Variants in NINL observed in about 807,000 individuals in gnomAD.
The protein encoded by NINL is ninein like.
A neutral mutation model predicts 160.3 loss-of-function variants in NINL; 153 were observed. The ratio of observed to expected loss-of-function variants is 0.95; its 90% confidence interval spans 0.84 to 1.09. NINL has a LOEUF of 1.09. Ranked by LOEUF, NINL falls within the 50% of genes least tolerant of loss-of-function variation. The pLI is 0.00. For synonymous variants in NINL, 800 were observed against 734.8 expected (o/e 1.09, Z -1.43); for missense variants, 1,829 against 1,764.0 (o/e 1.04, Z -0.66).
Position 25,500,823 on chromosome 20 carries a change from A to T in NINL, c.1032+17T>A. ...CCCAGGTCCCCTGTCCAGCTTAGGC[A>T]TCACCCAGTTCCAAACCTGCAAGAT... On this transcript the variant is annotated intron_variant, in intron 8 of 23. Transcript: ENST00000278886. 1 of 1,610,266 alleles carries T rather than the reference A, an allele frequency of 6.2e-7. No homozygotes were observed.
At chr20:25,464,858 A>G (rs938737601) in intron 19 of NINL, among the ~76,000 whole-genome samples, 1 of 151,912 alleles carries the variant, frequency 6.6e-6, no homozygotes, top group African/African-American at 2.4e-5. Flanking sequence ...ACCCCCTCCC[A>G]TTTGGGGTTT....
At chr20:25,558,889 A>G (rs1334757215) in intron 1 of NINL, among the ~76,000 whole-genome samples, 1 of 152,254 alleles carries the variant, frequency 6.6e-6, no homozygotes, top group Non-Finnish European at 1.5e-5. Flanking sequence ...AGACACTTGC[A>G]GATTCAACTG....
intron 1 of NINL, among the ~76,000 whole-genome samples, chr20:25,530,199 C>T (rs901560443): frequency 5.3e-5 from 8 of 152,228 alleles, no homozygotes; most frequent in Non-Finnish European, 1.2e-4. Context: ...GCTTTGAGAT[C>T]ATTTCTAAGT....
chr20:25,565,790 A>C (rs2064992687), intron 1 of NINL, among the ~76,000 whole-genome samples: 1 of 152,160 alleles, frequency 6.6e-6, no homozygotes, highest in South Asian at 2.1e-4. Context: ...GGTACCATCT[A>C]ATCTGCTGGG....
Position 25,479,104 on chromosome 20 carries a change from C to A in NINL, c.2020G>T (p.Gly674Cys). The A allele has an allele frequency of 6.2e-7, 1 of 1,613,786 alleles. No individual in the cohort carries two copies. The change falls in exon 16 of 24, where the codon GGT (glycine) becomes TGT (cysteine). Residue 674 changes from glycine (G) to cysteine (C), a missense_variant. Transcript: ENST00000278886. ...AGCTCCTCCAGGTCGGCCTTCTGAC[C>A]CTCCAGCACGCTGACCTCGCGCCTG... ...ARRREVSVLEGQKADLEELHE... is the reference protein window; with the variant it reads ...ARRREVSVLECQKADLEELHE...
At chr20:25,554,636 C>CAAAAAA (rs747557892) in intron 1 of NINL, among the ~76,000 whole-genome samples, 2 of 85,786 alleles carry the variant, frequency 2.3e-5, no homozygotes, top group African/African-American at 1.2e-4. Flanking sequence ...AAAAAAAAAA[C>CAAAAAA]AAAAAAAAAA....
rs550073349 is a variant in NINL, at chr20:25,453,720, C to G, written c.3958-78G>C. 7.4e-5 allele frequency: 100 copies of G among 1,350,520 alleles called. No individual in the cohort carries two copies. The Admixed American group carries it at 2.3e-3, about 31-fold the overall frequency. The allele number at this position is 1,350,520 out of a possible 1,614,324, so 83.7% of individuals were successfully genotyped here. ...AGATCAGCCTGCTCTCTTTTATCCT[C>G]CCAGGTTTACGCAAACCACAGTTTT... is the stretch of plus-strand genomic sequence containing the variant. On this transcript the variant is annotated intron_variant, in intron 23 of 23. Transcript: ENST00000278886.
chr20:25,487,015 AC>A (rs1488650905), intron 13 of NINL, among the ~76,000 whole-genome samples: 1 of 152,228 alleles, frequency 6.6e-6, no homozygotes, highest in Non-Finnish European at 1.5e-5. Context: ...AGAAACAATC[AC>A]AGATTTTCAG....
rs6115189 is a variant in NINL, at chr20:25,453,618, G to T, written c.3982C>A (p.Leu1328Met). Residue 1328 changes from leucine (L) to methionine (M), a missense_variant, in exon 24 of 24, where the codon CTG (leucine) becomes ATG (methionine). Transcript: ENST00000278886. The stretch of plus-strand genomic sequence containing the variant: ...TCCACGTACAGCTCCTTCAGCAGCA[G>T]GTCGGACTTCGTGTTCTTTTCAAAC... ...EQFEKNTKSD[L>M]LLKELYVENA... The T allele has an allele frequency of 1.1e-5, 18 of 1,608,730 alleles. No homozygotes were observed. The highest frequency in any genetic ancestry group is 1.5e-5 in the Non-Finnish European group (18 of 1,177,790).
chr20:25,460,054 C>T (rs533116433), intron 21 of NINL, among the ~76,000 whole-genome samples: 1 of 152,262 alleles, frequency 6.6e-6, no homozygotes, highest in South Asian at 2.1e-4. Flanking sequence ...GCCCTCTGAG[C>T]TCCCCTGGGA....
chr20:25,505,930 C>T (rs2063953362), intron 5 of NINL, among the ~76,000 whole-genome samples: 1 of 152,232 alleles, frequency 6.6e-6, no homozygotes, highest in African/African-American at 2.4e-5. Context: ...AAAATTCTTT[C>T]TGAAGAGAAC....
chr20:25,511,259 G>C (rs2064065312), intron 4 of NINL, among the ~76,000 whole-genome samples: 1 of 152,144 alleles, frequency 6.6e-6, no homozygotes, highest in Non-Finnish European at 1.5e-5. Flanking sequence ...GCAGGTTTCT[G>C]TATCCCTCCA....
At chr20:25,558,759 G>A (rs1323381618) in intron 1 of NINL, among the ~76,000 whole-genome samples, 1 of 152,146 alleles carries the variant, frequency 6.6e-6, no homozygotes, top group African/African-American at 2.4e-5. Flanking sequence ...CTGTGTTTAG[G>A]CCAAGAGCAA....
At chr20:25,524,330 G>A (rs1052204065) in intron 2 of NINL, among the ~76,000 whole-genome samples, 3 of 152,206 alleles carry the variant, frequency 2.0e-5, no homozygotes, top group Non-Finnish European at 4.4e-5. Context: ...GAGCAGAGTC[G>A]AGAGCACTAG....
intron 1 of NINL, among the ~76,000 whole-genome samples, chr20:25,566,048 G>C (rs1167454177): frequency 1.3e-5 from 2 of 152,192 alleles, no homozygotes; most frequent in Non-Finnish European, 2.9e-5. Context: ...CCTCCAGTTG[G>C]CAGCCAGCCG....
At position 25,547,102 on chromosome 20, in the gene NINL, A is replaced by G. The variant is rs374420499; in HGVS notation, c.-11-20504T>C. 5.3e-5 allele frequency among the ~76,000 whole-genome samples: 8 copies of G among 152,156 alleles called. 1 individual carries two copies. In the East Asian group the frequency reaches 5.8e-4, roughly 11 times the overall value. ...CCTAGGTTCCTGACATACAGCTCCC[A>G]AAACCCTCAGAATTTCCTGAGTAAT... is the stretch of plus-strand genomic sequence containing the variant. On this transcript the variant is annotated intron_variant, in intron 1 of 23. Transcript: ENST00000278886.
rs1601177246 is a variant in NINL at position 25,506,608 on chromosome 20, G to A, written c.518-1530C>T. Among the ~76,000 whole-genome samples, 2 of 152,310 alleles carry A rather than the reference G, an allele frequency of 1.3e-5. 1 individual carries two copies. The highest frequency in any genetic ancestry group is 6.8e-3 in the Middle Eastern group (2 of 294). ...GGCCTGGCCTACCTTACACATCTCA[G>A]AACACATTAACCAACAGTGGGGCAA... On this transcript the variant is annotated intron_variant, in intron 5 of 23. Transcript: ENST00000278886.
At chr20:25,480,428 T>C (rs748578573) in intron 14 of NINL, among the ~76,000 whole-genome samples, 161 bp from the exon 15 acceptor site, 8 of 152,204 alleles carry the variant, frequency 5.3e-5, no homozygotes, top group Admixed American at 3.3e-4. Flanking sequence ...CGTCAGTACA[T>C]AGCATTCCGT....
chr20:25,574,086 G>C (rs1022474491), intron 1 of NINL, among the ~76,000 whole-genome samples: 13 of 152,210 alleles, frequency 8.5e-5, no homozygotes, highest in African/African-American at 3.1e-4. Flanking sequence ...TCTGCGCTCA[G>C]AGCTGTTTGC....
Sources: gnomAD v4.1 joint callset for allele counts (sites outside exome capture counted in the v4.1 genomes callset) on GRCh38, gnomAD v4.1.1 for gene constraint, MANE v1.5 for transcripts, NCBI Gene and HGNC (gene_info 2026-07-23, HGNC 2026-07-21) for gene names.